OSTF1: variants seen among roughly 807,000 people sequenced by gnomAD.
OSTF1 encodes osteoclast stimulating factor 1.
A neutral mutation model predicts 37.2 loss-of-function variants in OSTF1; 27 were observed. The observed-to-expected ratio is 0.73, with a 90% CI of 0.54 to 1.00. OSTF1 has a LOEUF of 1.00. OSTF1 is among the 50% of genes least tolerant of loss of function. The pLI, the probability that OSTF1 is intolerant of heterozygous loss-of-function variation, is 0.00. For missense variants in OSTF1, 232 were observed against 253.8 expected (o/e 0.91, Z 0.58); for synonymous variants, 82 against 89.2 (o/e 0.92, Z 0.46).
At chr9:75,099,086 A>G (rs1427683773) in intron 1 of OSTF1, among the ~76,000 whole-genome samples, 1 of 151,924 alleles carries the variant, frequency 6.6e-6, no homozygotes, top group Non-Finnish European at 1.5e-5. Context: ...GCAGGCATGC[A>G]CCACCATGCC....
In OSTF1 at chr9:75,128,527, CATAT is replaced by C. The variant is rs60938396; in HGVS notation, c.132+923_132+926del. Reference sequence around the variant, plus strand: ...CATATATATATATATATATTTTGTCCATATATATATATATATATTTTGTCCATAT... The same window carrying C: ...CATATATATATATATATATTTTGTCCATATATATATATATTTTGTCCATAT... On this transcript the variant is annotated intron_variant, in intron 3 of 9. Coordinates refer to ENST00000346234, the MANE Select transcript of OSTF1 (RefSeq NM_012383.5). Among the ~76,000 whole-genome samples the C allele has an allele frequency of 4.9e-4, 3 of 6,122 alleles. 1 individual carries two copies. Among genetic ancestry groups the C allele is most frequent in the Non-Finnish European group, 1.0e-3 (3 of 2,874 alleles). 4.0% of individuals were successfully genotyped at this position (6,122 alleles called of 152,430 possible).
In OSTF1 at chr9:75,102,180, G is replaced by T. The variant is rs117410074; in HGVS notation, c.34+13454G>T. On this transcript the variant is annotated intron_variant, in intron 1 of 9. Coordinates refer to ENST00000346234, the MANE Select transcript of OSTF1 (RefSeq NM_012383.5). Reference sequence around the variant, plus strand: ...TGTAGAGATGGGGTCTCGCTCTGTTGCCCAGGCTGATCCTGAACTCCTGGC... The same window carrying T: ...TGTAGAGATGGGGTCTCGCTCTGTTTCCCAGGCTGATCCTGAACTCCTGGC... Among the ~76,000 whole-genome samples, 317 of 152,216 alleles carry T rather than the reference G, an allele frequency of 2.1e-3. 6 individuals carry two copies. In the East Asian group the frequency reaches 0.048, roughly 23 times the overall value.
At chr9:75,125,345 A>G (rs1003672536) in intron 2 of OSTF1, among the ~76,000 whole-genome samples, 1 of 152,112 alleles carries the variant, frequency 6.6e-6, no homozygotes, top group African/African-American at 2.4e-5. Context: ...TTACCTAATC[A>G]CTTTCTATAT....
chr9:75,106,039 G>T (rs1825277730), intron 1 of OSTF1, among the ~76,000 whole-genome samples: 1 of 152,196 alleles, frequency 6.6e-6, no homozygotes, highest in Non-Finnish European at 1.5e-5. Context: ...TATTCCTGCA[G>T]CTGAAATCAA....
chr9:75,091,081 C>CTTTT (rs35343834), intron 1 of OSTF1, among the ~76,000 whole-genome samples: 86 of 93,688 alleles, frequency 9.2e-4, no homozygotes, highest in Non-Finnish European at 1.2e-3. Flanking sequence ...GAAGTCTGCA[C>CTTTT]TTTTTTTTTT....
intron 1 of OSTF1, among the ~76,000 whole-genome samples, chr9:75,109,858 T>A (rs890661957): frequency 1.3e-5 from 2 of 152,212 alleles, no homozygotes; most frequent in African/African-American, 2.4e-5. Context: ...GGAATTCTAT[T>A]TGTTCTATAA....
intron 2 of OSTF1, among the ~76,000 whole-genome samples, chr9:75,119,704 C>T (rs1008944484): frequency 1.3e-5 from 2 of 152,164 alleles, no homozygotes; most frequent in South Asian, 4.1e-4. Flanking sequence ...CGGTGGCTCA[C>T]GCCTGTAATC....
chr9:75,093,445 A>G (rs1825018007), intron 1 of OSTF1, among the ~76,000 whole-genome samples: 1 of 152,202 alleles, frequency 6.6e-6, no homozygotes, highest in African/African-American at 2.4e-5. Context: ...GAATCATCTC[A>G]TTCTAAGCAG....
chr9:75,096,267 A>G (rs1005786951), intron 1 of OSTF1, among the ~76,000 whole-genome samples: 3 of 152,244 alleles, frequency 2.0e-5, no homozygotes, highest in Admixed American at 2.0e-4. Flanking sequence ...AGAAAGCCAC[A>G]AGGCAAATTT....
intron 1 of OSTF1, among the ~76,000 whole-genome samples, chr9:75,112,294 C>A (rs1035727427): frequency 6.6e-6 from 1 of 152,010 alleles, no homozygotes; most frequent in African/African-American, 2.4e-5. Context: ...ATTGTTTTCT[C>A]GACAAGAACA....
chr9:75,102,100 A>G (rs1442394384), intron 1 of OSTF1, among the ~76,000 whole-genome samples: 1 of 152,152 alleles, frequency 6.6e-6, no homozygotes, highest in Non-Finnish European at 1.5e-5. Context: ...AGTAGCGCAC[A>G]TTACTGTAGG....
intron 1 of OSTF1, among the ~76,000 whole-genome samples, chr9:75,109,230 T>C (rs989228045): frequency 9.2e-5 from 14 of 152,088 alleles, no homozygotes; most frequent in African/African-American, 3.4e-4. Flanking sequence ...CCAGCTGTTC[T>C]CCAACTCCTG....
chr9:75,107,708 A>G (rs568046040), intron 1 of OSTF1, among the ~76,000 whole-genome samples: 1 of 152,338 alleles, frequency 6.6e-6, no homozygotes, highest in African/African-American at 2.4e-5. Flanking sequence ...AAAAATACAC[A>G]CATACATGAC....
chr9:75,094,970 T>C (rs1825046753), intron 1 of OSTF1, among the ~76,000 whole-genome samples: 1 of 152,136 alleles, frequency 6.6e-6, no homozygotes, highest in Non-Finnish European at 1.5e-5. Context: ...CACTTGAGCC[T>C]GGGAGGCCAA....
Position 75,146,992 on chromosome 9 carries a change from G to T in OSTF1, c.*251G>T. On this transcript the variant is annotated 3_prime_UTR_variant, in exon 10 of 10. Coordinates refer to ENST00000346234, the MANE Select transcript of OSTF1 (RefSeq NM_012383.5). ...TATTATTTCTATTTATCAAGCAAAA[G>T]GAATTTTAAGATTTTTTTTTTTCTT... The T allele has an allele frequency of 1.7e-5, 3 of 176,800 alleles. No individual in the cohort carries two copies. The highest frequency in any genetic ancestry group is 3.1e-5 in the Non-Finnish European group (3 of 96,890). 11.0% of individuals were successfully genotyped at this position (176,800 alleles called of 1,614,324 possible). A position where few individuals can be genotyped will look rare whatever the true frequency, so the allele number is the denominator to read the frequency against.
chr9:75,142,974 CTG>C (rs1432864870), intron 9 of OSTF1, among the ~76,000 whole-genome samples: 2 of 149,678 alleles, frequency 1.3e-5, no homozygotes, highest in East Asian at 3.9e-4. Context: ...GAGTCTCACT[CTG>C]TTGCCCAGGC....
chr9:75,094,481 G>A (rs1825037339), intron 1 of OSTF1, among the ~76,000 whole-genome samples: 1 of 151,710 alleles, frequency 6.6e-6, no homozygotes. Context: ...ATGTGCTTCT[G>A]ATAAGCATTC....
intron 1 of OSTF1, among the ~76,000 whole-genome samples, chr9:75,096,708 T>A (rs565868418): frequency 9.8e-5 from 15 of 152,360 alleles, no homozygotes; most frequent in African/African-American, 3.4e-4. Context: ...TGTGTGTGTG[T>A]CTTCGAGGAA....
chr9:75,097,043 A>T (rs1469654430), intron 1 of OSTF1, among the ~76,000 whole-genome samples: 1 of 152,210 alleles, frequency 6.6e-6, no homozygotes, highest in African/African-American at 2.4e-5. Flanking sequence ...CGAGGACTTC[A>T]TCTGAAGGTA....
Sources: allele counts gnomAD v4.1 joint callset (sites outside exome capture counted in the v4.1 genomes callset), GRCh38; gene constraint gnomAD v4.1.1; transcripts MANE v1.5; gene names NCBI Gene and HGNC (gene_info 2026-07-23, HGNC 2026-07-21).